The following PKHD1 variants were observed in gnomAD, a reference collection of about 807,000 sequenced individuals.
PKHD1 encodes fibrocystin.
In PKHD1, 291 loss-of-function variants were observed where a neutral mutation model predicts 412.0. The observed-to-expected ratio is 0.71, with a 90% CI of 0.64 to 0.78. The LOEUF is 0.78. Among genes scored for constraint, PKHD1 ranks in the 30% least tolerant of loss-of-function variants. PKHD1 has a pLI of 0.00. For synonymous variants in PKHD1, 1,777 were observed against 1,821.5 expected (o/e 0.98, Z 0.62); for missense variants, 4,825 against 4,950.7 (o/e 0.97, Z 0.76).
intron 37 of PKHD1, among the ~76,000 whole-genome samples, chr6:51,919,859 T>C (rs1457264921): frequency 7.2e-5 from 11 of 152,344 alleles, no homozygotes. Context: ...CCCTTGTAAG[T>C]TGGATTCCTA....
intron 57 of PKHD1, among the ~76,000 whole-genome samples, chr6:51,752,301 G>A (rs75817689): frequency 0.012 from 1,838 of 152,126 alleles, 33 homozygotes; most frequent in South Asian, 0.074. Context: ...AAGATGTTTG[G>A]CACTACCCAT....
intron 63 of PKHD1, among the ~76,000 whole-genome samples, chr6:51,647,096 T>C (rs1359403678): frequency 6.6e-6 from 1 of 152,228 alleles, no homozygotes; most frequent in Non-Finnish European, 1.5e-5. Context: ...TTTGCCTTAA[T>C]TCTGTTTCTC....
intron 60 of PKHD1, among the ~76,000 whole-genome samples, chr6:51,694,519 G>T (rs1317419315): frequency 7.8e-6 from 1 of 128,314 alleles, no homozygotes; most frequent in Non-Finnish European, 1.6e-5. Flanking sequence ...AAGTAGCTCA[G>T]ATTACAGGTG....
At chr6:52,033,462 C>T (rs1562190382) in intron 28 of PKHD1, among the ~76,000 whole-genome samples, 1 of 151,906 alleles carries the variant, frequency 6.6e-6, no homozygotes, top group Non-Finnish European at 1.5e-5. Context: ...AATTAACACA[C>T]CAATTGTTTC....
intron 36 of PKHD1, among the ~76,000 whole-genome samples, chr6:51,948,083 C>T (rs753620883): frequency 6.6e-6 from 1 of 152,176 alleles, no homozygotes; most frequent in African/African-American, 2.4e-5. Flanking sequence ...AACCCAACCA[C>T]TTACCACCTC....
chr6:51,803,409 TAAC>T (rs1045805125), intron 52 of PKHD1, among the ~76,000 whole-genome samples: 3 of 152,166 alleles, frequency 2.0e-5, no homozygotes, highest in South Asian at 2.1e-4. Context: ...CTAACTATTC[TAAC>T]AATAATATCT....
chr6:51,678,227 T>G (rs886293826), intron 60 of PKHD1, among the ~76,000 whole-genome samples: 1 of 152,122 alleles, frequency 6.6e-6, no homozygotes, highest in African/African-American at 2.4e-5. Context: ...AAGTTACTTA[T>G]CCTCCCTCTG....
At chr6:51,792,070 C>T (rs1793848426) in intron 52 of PKHD1, among the ~76,000 whole-genome samples, 1 of 152,148 alleles carries the variant, frequency 6.6e-6, no homozygotes, top group Non-Finnish European at 1.5e-5. Context: ...GCTTATAGTG[C>T]TTACTGGACA....
chr6:52,026,442 T>C (rs193113780), intron 31 of PKHD1, among the ~76,000 whole-genome samples: 5 of 152,302 alleles, frequency 3.3e-5, no homozygotes, highest in African/African-American at 1.2e-4. Flanking sequence ...TCAAGTACCT[T>C]TGTATATCCC....
chr6:52,054,026 C>A lies in PKHD1; in HGVS notation c.1964+12G>T, dbSNP rs572664151. 1.2e-6 allele frequency: 2 copies of A among 1,613,812 alleles called. No individual in the cohort carries two copies. The highest frequency in any genetic ancestry group is 2.7e-5 in the African/African-American group (2 of 75,044). ...ACTGAATTCCCACCACGCCTCCCCACCGATTAGCTACCTCTCGGGGCTGGT... is the reference window on the plus strand; with the variant it reads ...ACTGAATTCCCACCACGCCTCCCCAACGATTAGCTACCTCTCGGGGCTGGT... On this transcript the variant is annotated intron_variant, in intron 20 of 66. Transcript: ENST00000371117.
intron 48 of PKHD1, among the ~76,000 whole-genome samples, chr6:51,867,122 G>C (rs541231494): frequency 6.6e-6 from 1 of 152,110 alleles, no homozygotes; most frequent in African/African-American, 2.4e-5. Flanking sequence ...TGAATTACTT[G>C]ACTTAATACT....
chr6:51,866,186 A>C (rs1775042458), intron 48 of PKHD1, among the ~76,000 whole-genome samples: 1 of 152,126 alleles, frequency 6.6e-6, no homozygotes, highest in African/African-American at 2.4e-5. Flanking sequence ...CTTCCAGGTG[A>C]CTAATTAGGG....
chr6:51,691,043 C>T (rs1157561133), intron 60 of PKHD1, among the ~76,000 whole-genome samples: 1 of 151,982 alleles, frequency 6.6e-6, no homozygotes. Context: ...AGCCAACAAC[C>T]ATATGAAAAA....
At chr6:51,923,770 G>A (rs1345261888) in intron 37 of PKHD1, among the ~76,000 whole-genome samples, 4 of 152,134 alleles carry the variant, frequency 2.6e-5, no homozygotes, top group Non-Finnish European at 5.9e-5. Context: ...AGCCCCAATT[G>A]GGATCTCAAA....
At chr6:51,868,153 T>C (rs1775388440) in intron 47 of PKHD1, 44 bp from the exon 48 acceptor site, 1 of 1,530,638 alleles carries the variant, frequency 6.5e-7, no homozygotes, top group Non-Finnish European at 9.0e-7. Context: ...ATGGCACAAA[T>C]AGCAACTAAA....
chr6:51,681,641 ATCATTAACTAG>A (rs1427819881), intron 60 of PKHD1, among the ~76,000 whole-genome samples: 5 of 152,100 alleles, frequency 3.3e-5, no homozygotes, highest in Middle Eastern at 3.4e-3. Context: ...AGTTAATAGG[ATCATTAACTAG>A]TCATTAACCA....
At chr6:52,036,704 A>G (rs772393378) in intron 27 of PKHD1, among the ~76,000 whole-genome samples, 36 of 152,254 alleles carry the variant, frequency 2.4e-4, no homozygotes, top group Admixed American at 5.2e-4. Flanking sequence ...GTGATATAAA[A>G]TATACAATAT....
chr6:51,659,748 A>G lies in PKHD1; in HGVS notation c.10378T>C (p.Tyr3460His). ...ATTTGCCTGATGGGTAAGATAGAAT[A>G]GAAAGTAGACACTGACCCAGAAGTA... ...CSTSGSVSTF[Y>H]SILPIRQITK... The change falls in exon 61 of 67, where the codon TAT (tyrosine) becomes CAT (histidine). Residue 3460 changes from tyrosine (Y) to histidine (H), a missense_variant. Transcript: ENST00000371117. 1.2e-6 allele frequency: 2 copies of G among 1,613,792 alleles called. No homozygotes were observed. Among genetic ancestry groups the G allele is most frequent in the Non-Finnish European group, 1.7e-6 (2 of 1,179,798 alleles).
intron 29 of PKHD1, among the ~76,000 whole-genome samples, chr6:52,029,329 C>G (rs563321351): frequency 7.2e-5 from 11 of 152,136 alleles, no homozygotes; most frequent in Non-Finnish European, 1.5e-4. Flanking sequence ...ACTATGAACA[C>G]TTTCATGCAA....
Sources: gnomAD v4.1 joint callset for allele counts (sites outside exome capture counted in the v4.1 genomes callset) on GRCh38, gnomAD v4.1.1 for gene constraint, MANE v1.5 for transcripts, NCBI Gene and HGNC (gene_info 2026-07-23, HGNC 2026-07-21) for gene names.